The following CNTN4 variants were observed in gnomAD, a reference collection of about 807,000 sequenced individuals.
CNTN4 encodes contactin 4.
A neutral mutation model predicts 122.5 loss-of-function variants in CNTN4; 77 were observed. That is an observed-to-expected ratio of 0.63 (90% CI 0.52 to 0.76). The LOEUF (loss-of-function observed/expected upper bound fraction) is 0.76, where lower values mean the gene tolerates loss of function less well. Among genes scored for constraint, CNTN4 ranks in the 30% least tolerant of loss-of-function variants. The probability of loss-of-function intolerance (pLI) is 0.00; values close to 1 mark genes in which losing one functional copy is unlikely to be tolerated. For missense variants in CNTN4, 1,256 were observed against 1,259.1 expected, an observed-to-expected ratio of 1.00 and a Z score of 0.04; for synonymous variants, 512 against 447.0, an observed-to-expected ratio of 1.15 and a Z score of -1.83.
At chr3:2,725,304 C>T (rs1366451180) in intron 4 of CNTN4, among the ~76,000 whole-genome samples, 2 of 152,140 alleles carry the variant, frequency 1.3e-5, no homozygotes, top group Non-Finnish European at 2.9e-5. Flanking sequence ...CAGGGTGCAA[C>T]ATTCTAATGC....
At chr3:2,571,183 C>T (rs961594385) in intron 3 of CNTN4, among the ~76,000 whole-genome samples, 1 of 152,144 alleles carries the variant, frequency 6.6e-6, no homozygotes. Context: ...TTCTTGTCTT[C>T]ACTCAGAAGC....
At chr3:2,175,940 C>G (rs1455221568) in intron 2 of CNTN4, among the ~76,000 whole-genome samples, 1 of 152,054 alleles carries the variant, frequency 6.6e-6, no homozygotes, top group Non-Finnish European at 1.5e-5. Context: ...CTTTACCAAC[C>G]CCTTCATCTT....
At chr3:2,926,100 C>A (rs1260258860) in intron 13 of CNTN4, among the ~76,000 whole-genome samples, 1 of 152,156 alleles carries the variant, frequency 6.6e-6, no homozygotes, top group Non-Finnish European at 1.5e-5. Flanking sequence ...CCCACCTTTC[C>A]CCATCCTAAG....
intron 3 of CNTN4, among the ~76,000 whole-genome samples, chr3:2,476,561 A>G (rs1332395134): frequency 2.0e-5 from 3 of 152,190 alleles, no homozygotes; most frequent in Admixed American, 2.0e-4. Flanking sequence ...AGTCAATGAA[A>G]CCAGATGCGT....
intron 4 of CNTN4, among the ~76,000 whole-genome samples, chr3:2,636,319 G>T (rs1248480454): frequency 6.6e-6 from 1 of 152,002 alleles, no homozygotes; most frequent in African/African-American, 2.4e-5. Flanking sequence ...CTCTTCTTTG[G>T]CCCCTCTGTT....
intron 2 of CNTN4, among the ~76,000 whole-genome samples, chr3:2,225,698 T>C (rs2039255862): frequency 6.6e-6 from 1 of 152,206 alleles, no homozygotes; most frequent in African/African-American, 2.4e-5. Flanking sequence ...TTTACTGTGC[T>C]GCTCTTTTTA....
At chr3:3,006,258 T>C (rs140478180) in intron 14 of CNTN4, among the ~76,000 whole-genome samples, 1 of 152,182 alleles carries the variant, frequency 6.6e-6, no homozygotes, top group Non-Finnish European at 1.5e-5. Flanking sequence ...GTCACCCTCA[T>C]GGGAACATAA....
At chr3:2,772,839 G>A (rs2149785223) in intron 6 of CNTN4, among the ~76,000 whole-genome samples, 1 of 152,272 alleles carries the variant, frequency 6.6e-6, no homozygotes, top group East Asian at 1.9e-4. Flanking sequence ...AGGCACCTTG[G>A]TGAAAACTAG....
In CNTN4 at chr3:2,730,733, A is replaced by T. The variant is rs569721697; in HGVS notation, c.56-5482A>T. On this transcript the variant is annotated intron_variant, in intron 4 of 24. Transcript: ENST00000418658. ...GCTCCTGTGGGCTTGATATTTGGGC[A>T]TCTGCCTCACTTCCTTGAGTTAACC... 5.3e-5 allele frequency among the ~76,000 whole-genome samples: 8 copies of T among 152,200 alleles called. No individual in the cohort carries two copies. In the South Asian group the frequency reaches 1.7e-3, roughly 32 times the overall value.
intron 4 of CNTN4, among the ~76,000 whole-genome samples, chr3:2,689,537 C>T (rs1310634793): frequency 6.6e-6 from 1 of 152,058 alleles, no homozygotes; most frequent in Non-Finnish European, 1.5e-5. Flanking sequence ...TTGCCAGAGA[C>T]CACCTGCTTT....
In CNTN4 at chr3:3,026,135, T is replaced by C. The variant is rs1227338696; in HGVS notation, c.1520T>C (p.Met507Thr). 5 of 1,613,338 alleles carry C rather than the reference T, an allele frequency of 3.1e-6. No individual in the cohort carries two copies. The highest frequency in any genetic ancestry group is 2.7e-5 in the African/African-American group (2 of 74,892). Residue 507 changes from methionine (M) to threonine (T), a missense_variant, in exon 15 of 25, where the codon ATG (methionine) becomes ACG (threonine). Met to Thr is a moderately conservative substitution (Grantham distance 81). Coordinates refer to ENST00000418658, the MANE Select transcript of CNTN4 (RefSeq NM_175607.3). ...AGGGTAATGGTACCCCCTTCCAGTATGGATGTCACTGTTGGAGAGAGTATT... is the reference window on the plus strand; with the variant it reads ...AGGGTAATGGTACCCCCTTCCAGTACGGATGTCACTGTTGGAGAGAGTATT... ...PTRVMVPPSSMDVTVGESIVL... is the reference protein window; with the variant it reads ...PTRVMVPPSSTDVTVGESIVL...
chr3:2,908,610 C>T (rs1300607141), intron 12 of CNTN4, among the ~76,000 whole-genome samples: 1 of 152,178 alleles, frequency 6.6e-6, no homozygotes, highest in Admixed American at 6.5e-5. Flanking sequence ...GATAATGAGG[C>T]TAGCTTTTTA....
At chr3:2,325,471 C>T (rs560766323) in intron 2 of CNTN4, among the ~76,000 whole-genome samples, 2 of 152,126 alleles carry the variant, frequency 1.3e-5, no homozygotes, top group East Asian at 1.9e-4. Flanking sequence ...ATTTTAAGAA[C>T]GCCTTTTGTT....
intron 2 of CNTN4, among the ~76,000 whole-genome samples, chr3:2,196,426 G>C (rs2037834680): frequency 6.6e-6 from 1 of 152,102 alleles, no homozygotes; most frequent in Non-Finnish European, 1.5e-5. Flanking sequence ...TGGTTGGTTG[G>C]TTCAATAGAC....
chr3:2,447,955 A>G (rs1176362938), intron 3 of CNTN4, among the ~76,000 whole-genome samples: 1 of 152,172 alleles, frequency 6.6e-6, no homozygotes, highest in Non-Finnish European at 1.5e-5. Flanking sequence ...AATTCATAAA[A>G]AAGATAGAAT....
chr3:2,903,036 T>C (rs752906324), intron 12 of CNTN4, 31 bp downstream of exon 12: 4 of 1,597,846 alleles, frequency 2.5e-6, no homozygotes, highest in African/African-American at 1.3e-5. Flanking sequence ...GAAAAAAAAA[T>C]TAAAACTCTT....
intron 13 of CNTN4, among the ~76,000 whole-genome samples, chr3:2,953,225 C>T (rs2094764014): frequency 6.6e-6 from 1 of 152,122 alleles, no homozygotes; most frequent in East Asian, 1.9e-4. Flanking sequence ...TGAATGGTGC[C>T]ATCATCTACC....
chr3:2,413,700 C>G (rs1006937756), intron 3 of CNTN4, among the ~76,000 whole-genome samples: 7 of 151,994 alleles, frequency 4.6e-5, no homozygotes, highest in African/African-American at 1.4e-4. Flanking sequence ...CACACCACAA[C>G]ACACAGCTAA....
chr3:2,527,949 C>T (rs17015775), intron 3 of CNTN4, among the ~76,000 whole-genome samples: 13,267 of 152,094 alleles, frequency 0.087, 1,223 homozygotes, highest in East Asian at 0.48. Context: ...TGTCCCTTCC[C>T]GATGTCTCCC....
Sources: allele counts gnomAD v4.1 joint callset (sites outside exome capture counted in the v4.1 genomes callset), GRCh38; gene constraint gnomAD v4.1.1; transcripts MANE v1.5; gene names NCBI Gene and HGNC (gene_info 2026-07-23, HGNC 2026-07-21).